The following CAMK2G variants were observed in gnomAD, a reference collection of about 807,000 sequenced individuals.
CAMK2G encodes calcium/calmodulin-dependent protein kinase type II subunit gamma.
In CAMK2G, 23 loss-of-function variants were observed where a neutral mutation model predicts 88.7. The ratio of observed to expected loss-of-function variants is 0.26; its 90% CI spans 0.19 to 0.37. The LOEUF is 0.37. CAMK2G is among the 10% of genes least tolerant of loss of function. The pLI, the probability that CAMK2G is intolerant of heterozygous loss-of-function variation, is 1.00. For missense variants in CAMK2G, 476 were observed against 780.8 expected (o/e 0.61, Z 4.65); for synonymous variants, 263 against 294.8 (o/e 0.89, Z 1.11).
intron 18 of CAMK2G, among the ~76,000 whole-genome samples, chr10:73,820,492 A>ATATATTTTTTTT (rs1554995765): frequency 2.0e-5 from 1 of 51,060 alleles, no homozygotes; most frequent in Non-Finnish European, 3.4e-5. Flanking sequence ...ATATATATAT[A>ATATATTTTTTTT]TTTTTTTTTT....
In CAMK2G at chr10:73,848,875, C is replaced by CAG; in HGVS notation, c.517+137_517+138insCT. On this transcript the variant is annotated intron_variant, in intron 7 of 22. Coordinates refer to ENST00000423381, the MANE Select transcript of CAMK2G (RefSeq NM_001367534.1). This position sits in a 1 kb window ranked among gnomAD's most constrained non-coding sequence, Gnocchi z 4.5. ...GCTGACAACAGCTAGACTTACTGTACTGAGTCGCGTACGGCCAAGAGAGAT... is the reference window on the plus strand; with the variant it reads ...GCTGACAACAGCTAGACTTACTGTACAGTGAGTCGCGTACGGCCAAGAGAGAT... The CAG allele has an allele frequency of 1.4e-6, 1 of 727,618 alleles. No homozygotes were observed. Among genetic ancestry groups the CAG allele is most frequent in the Non-Finnish European group, 2.5e-6 (1 of 397,068 alleles). The allele number at this position is 727,618 out of a possible 1,614,324, so 45.1% of individuals were successfully genotyped here.
At chr10:73,824,167 A>G (rs1046482424) in intron 16 of CAMK2G, 83 bp from the exon 17 acceptor site, 5 of 946,326 alleles carry the variant, frequency 5.3e-6, no homozygotes, top group East Asian at 4.8e-5. Context: ...GCACCCCAGG[A>G]CCCCCGCAGA....
intron 3 of CAMK2G, among the ~76,000 whole-genome samples, chr10:73,857,517 G>A (rs148760930): frequency 6.6e-6 from 1 of 152,280 alleles, no homozygotes; most frequent in East Asian, 1.9e-4. Context: ...AGCATCAGCT[G>A]GAGACTCAGG....
chr10:73,827,830 T>A (rs2091460138), intron 15 of CAMK2G, among the ~76,000 whole-genome samples: 2 of 152,146 alleles, frequency 1.3e-5, no homozygotes, highest in Admixed American at 6.5e-5. Context: ...CAGCTTCACA[T>A]CCTACCCTGG....
At position 73,839,964 on chromosome 10, in the gene CAMK2G, G is replaced by A. The variant is rs2093638551; in HGVS notation, c.947-363C>T. Among the ~76,000 whole-genome samples, 1 of 152,150 alleles carries A rather than the reference G, an allele frequency of 6.6e-6. No individual in the cohort carries two copies. Among genetic ancestry groups the A allele is most frequent in the Non-Finnish European group, 1.5e-5 (1 of 68,010 alleles). ...CCCTAGCTTAAGGCTGTGATGAAACGCCCTCCCTTCTAGTCCTTCCCTCCC... is the reference window on the plus strand; with the variant it reads ...CCCTAGCTTAAGGCTGTGATGAAACACCCTCCCTTCTAGTCCTTCCCTCCC... On this transcript the variant is annotated intron_variant, in intron 12 of 22. Transcript: ENST00000423381. The surrounding 1 kb of genome is among the most constrained non-coding windows in gnomAD (Gnocchi z 4.2).
Position 73,848,543 on chromosome 10 carries a change from A to G in CAMK2G, c.584T>C (p.Val195Ala), listed in dbSNP as rs2094409145. 2 of 1,612,372 alleles carry G rather than the reference A, an allele frequency of 1.2e-6. No individual in the cohort carries two copies. Among genetic ancestry groups the G allele is most frequent in the Non-Finnish European group, 1.7e-6 (2 of 1,178,956 alleles). ...GGGCTTACCGCAGGCCCAGATATCC[A>G]CAGGTTTTCCATAGGGATCTTTCCT... ...VLRKDPYGKPVDIWACGVILY... is the reference protein window; with the variant it reads ...VLRKDPYGKPADIWACGVILY... The change falls in exon 8 of 23, where the codon GTG becomes GCG. Residue 195 changes from valine to alanine, a missense_variant. By Grantham distance (64) the Val-to-Ala change is moderately conservative. Transcript: ENST00000423381. The surrounding 1 kb of genome is among the most constrained non-coding windows in gnomAD (Gnocchi z 4.5).
chr10:73,848,991 G>T lies in CAMK2G; in HGVS notation c.517+22C>A. The stretch of plus-strand genomic sequence containing the variant: ...GGAGGAAGGGCGGGGGCTGCATTCC[G>T]GGAAGACAGGATCACCCTTACCAAA... On this transcript the variant is annotated intron_variant, in intron 7 of 22. Transcript: ENST00000423381. The surrounding 1 kb of genome is among the most constrained non-coding windows in gnomAD (Gnocchi z 4.5). 1.4e-6 allele frequency: 2 copies of T among 1,467,874 alleles called. No individual in the cohort carries two copies. The highest frequency in any genetic ancestry group is 1.1e-5 in the South Asian group (1 of 88,194). 90.9% of individuals were successfully genotyped at this position (1,467,874 alleles called of 1,614,324 possible). A position where few individuals can be genotyped will look rare whatever the true frequency, so the allele number is the denominator to read the frequency against.
At chr10:73,845,110 A>G (rs923343516) in intron 10 of CAMK2G, among the ~76,000 whole-genome samples, 5 of 152,210 alleles carry the variant, frequency 3.3e-5, no homozygotes, top group Admixed American at 2.6e-4. Flanking sequence ...GCATAGGAAC[A>G]GGCCCATCTA....
intron 5 of CAMK2G, among the ~76,000 whole-genome samples, chr10:73,851,057 C>A (rs1348776523): frequency 6.6e-6 from 1 of 152,202 alleles, no homozygotes; most frequent in Non-Finnish European, 1.5e-5. Flanking sequence ...CGTCCCAGAG[C>A]CTCGTCCTCC....
intron 14 of CAMK2G, among the ~76,000 whole-genome samples, chr10:73,829,700 G>GGTGGGTGTGT (rs1555014557): frequency 7.2e-6 from 1 of 138,370 alleles, no homozygotes; most frequent in Non-Finnish European, 1.6e-5. Context: ...TAAGTAGTGG[G>GGTGGGTGTGT]GTGTGTGTGT....
chr10:73,854,700 T>A (rs1331569284), intron 3 of CAMK2G, among the ~76,000 whole-genome samples: 1 of 152,152 alleles, frequency 6.6e-6, no homozygotes, highest in African/African-American at 2.4e-5. Context: ...GGTGCTTCCC[T>A]ATGTCCCCTC....
At chr10:73,868,775 G>T (rs2095689518) in intron 2 of CAMK2G, among the ~76,000 whole-genome samples, 1 of 152,110 alleles carries the variant, frequency 6.6e-6, no homozygotes, top group Non-Finnish European at 1.5e-5. Flanking sequence ...ATGTCATGGG[G>T]GCTACTCAGG....
At chr10:73,825,055 A>AAGGAGC (rs748593177) in intron 16 of CAMK2G, among the ~76,000 whole-genome samples, 16 of 152,198 alleles carry the variant, frequency 1.1e-4, no homozygotes, top group South Asian at 2.1e-4. Flanking sequence ...CCACCAGCGA[A>AAGGAGC]AGGAGCAGGA....
At chr10:73,840,084 G>T (rs1010704289) in intron 12 of CAMK2G, among the ~76,000 whole-genome samples, 1 of 152,136 alleles carries the variant, frequency 6.6e-6, no homozygotes, top group Non-Finnish European at 1.5e-5. Flanking sequence ...TGGCGTGGGG[G>T]TCCCAGGGAG....
chr10:73,818,938 C>T (rs1177019431), intron 19 of CAMK2G: 1 of 404,492 alleles, frequency 2.5e-6, no homozygotes, highest in South Asian at 1.7e-5. Flanking sequence ...ATCGAGGCAC[C>T]GTATCAAGAC....
Position 73,873,407 on chromosome 10 carries a change from G to A in CAMK2G, c.66-324C>T, listed in dbSNP as rs2095913638. On this transcript the variant is annotated intron_variant, in intron 1 of 22. Transcript: ENST00000423381. ...ACACACACCTGCTGCATCTCAGACA[G>A]CCCTGCGGTCCCGGCCAAGAGAACC... The A allele has an allele frequency of 2.9e-5, 35 of 1,208,944 alleles. No individual in the cohort carries two copies. In the South Asian group the frequency reaches 6.9e-4, roughly 24 times the overall value. The allele number at this position is 1,208,944 out of a possible 1,614,324, so 74.9% of individuals were successfully genotyped here. A position where few individuals can be genotyped will look rare whatever the true frequency, so the allele number is the denominator to read the frequency against.
chr10:73,860,888 A>C lies in CAMK2G; in HGVS notation c.162T>G (p.Asp54Glu), dbSNP rs753707392. 6 of 1,612,476 alleles carry C rather than the reference A, an allele frequency of 3.7e-6. No homozygotes were observed. The African/African-American group carries it at 8.0e-5, about 22-fold the overall frequency. Reference sequence around the variant, plus strand: ...GAGCCTCACGTTCTAGTTTCTGGTGATCTAAAAGCAGAAGAGAAAAAACAA... The same window carrying C: ...GAGCCTCACGTTCTAGTTTCTGGTGCTCTAAAAGCAGAAGAGAAAAAACAA... ...IINTKKLSAR[D>E]HQKLEREARI... Residue 54 changes from aspartate (D) to glutamate (E), a missense_variant and splice_region_variant, in exon 3 of 23, where the codon GAT becomes GAG. By Grantham distance (45) the Asp-to-Glu change is conservative (BLOSUM62 2). Around this residue, in one of 3 missense-constraint regions of CAMK2G, gnomAD observed 164 missense variants for 385.6 expected, o/e 0.43. Coordinates refer to ENST00000423381, the MANE Select transcript of CAMK2G (RefSeq NM_001367534.1).
intron 3 of CAMK2G, among the ~76,000 whole-genome samples, chr10:73,858,719 C>T (rs542015197): frequency 6.6e-5 from 10 of 152,292 alleles, no homozygotes; most frequent in Non-Finnish European, 2.9e-5. Context: ...CATTCTGAGC[C>T]GAGGGCAGAT....
intron 17 of CAMK2G, among the ~76,000 whole-genome samples, chr10:73,821,957 A>T (rs1186000580): frequency 6.6e-6 from 1 of 152,164 alleles, no homozygotes; most frequent in East Asian, 1.9e-4. Flanking sequence ...ACCTGGAGTC[A>T]TCCTCAATCC....
Sources: allele counts gnomAD v4.1 joint callset (sites outside exome capture counted in the v4.1 genomes callset), GRCh38; gene constraint gnomAD v4.1.1; regional missense constraint gnomAD v4.1.1; non-coding constraint Gnocchi (gnomAD v3.1); transcripts MANE v1.5; gene names NCBI Gene and HGNC (gene_info 2026-07-23, HGNC 2026-07-21).